Variants in GRIK4 observed in about 807,000 individuals in gnomAD.
The protein encoded by GRIK4 is glutamate receptor ionotropic, kainate 4.
In GRIK4, 40 loss-of-function variants were observed where a neutral mutation model predicts 104.9. The observed-to-expected ratio is 0.38, with a 90% CI of 0.30 to 0.50. The LOEUF is 0.50. Ranked by LOEUF, GRIK4 falls within the 20% of genes least tolerant of loss-of-function variation. The pLI is 0.93. For missense variants in GRIK4, 1,047 were observed against 1,308.1 expected, an observed-to-expected ratio of 0.80 and a Z score of 3.08; for synonymous variants, 485 against 524.9, an observed-to-expected ratio of 0.92 and a Z score of 1.04.
chr11:120,804,888 C>T (rs1477579124), intron 4 of GRIK4, among the ~76,000 whole-genome samples: 1 of 152,168 alleles, frequency 6.6e-6, no homozygotes, highest in African/African-American at 2.4e-5. Flanking sequence ...CCTCCTGCTC[C>T]TATGACTGAG....
rs1202937195 is a variant in GRIK4, at chr11:120,513,563, A to T, written c.-159+1676A>T. 1.3e-5 allele frequency among the ~76,000 whole-genome samples: 2 copies of T among 152,052 alleles called. No individual in the cohort carries two copies. Among genetic ancestry groups the T allele is most frequent in the African/African-American group, 4.8e-5 (2 of 41,394 alleles). On this transcript the variant is annotated intron_variant, in intron 1 of 20. Transcript: ENST00000527524. This position sits in a 1 kb window ranked among gnomAD's most constrained non-coding sequence, Gnocchi z 4.5. ...GTTTATTATTTTTCTCACTGGCCAGATGTGTTCCTCAAGGTCACGACCCTT... is the reference window on the plus strand; with the variant it reads ...GTTTATTATTTTTCTCACTGGCCAGTTGTGTTCCTCAAGGTCACGACCCTT...
At chr11:120,787,539 G>A (rs901002046) in intron 3 of GRIK4, among the ~76,000 whole-genome samples, 10 of 148,574 alleles carry the variant, frequency 6.7e-5, no homozygotes, top group African/African-American at 1.7e-4. Context: ...ATCTCGGCTC[G>A]CTGCAACCTC....
At chr11:120,574,292 G>T (rs1948447800) in intron 1 of GRIK4, among the ~76,000 whole-genome samples, 1 of 152,188 alleles carries the variant, frequency 6.6e-6, no homozygotes, top group Non-Finnish European at 1.5e-5. Context: ...GTCCTCCTTG[G>T]TTTTAGGTCT....
At chr11:120,802,612 C>A in intron 3 of GRIK4, 81 bp from the exon 4 acceptor site, 1 of 1,214,668 alleles carries the variant, frequency 8.2e-7, no homozygotes, top group Non-Finnish European at 1.2e-6. Context: ...AGGAAGGTGG[C>A]AGCAGGGGGA....
At chr11:120,609,734 G>A (rs931188941) in intron 1 of GRIK4, among the ~76,000 whole-genome samples, 1 of 151,732 alleles carries the variant, frequency 6.6e-6, no homozygotes, top group Non-Finnish European at 1.5e-5. Context: ...GGCTGGTCTC[G>A]AACTCCTGAC....
intron 1 of GRIK4, among the ~76,000 whole-genome samples, chr11:120,633,858 G>A (rs56144287): frequency 0.01 from 1,550 of 152,214 alleles, 28 homozygotes; most frequent in African/African-American, 0.036. Flanking sequence ...CCCTGCTTGC[G>A]GCACATCTCC....
At chr11:120,824,088 T>C (rs894133542) in intron 6 of GRIK4, among the ~76,000 whole-genome samples, 1 of 152,186 alleles carries the variant, frequency 6.6e-6, no homozygotes. Flanking sequence ...TCTAATTCTA[T>C]TTTCCAGCCA....
Position 120,898,601 on chromosome 11 carries a change from A to G in GRIK4, c.1234A>G (p.Thr412Ala), listed in dbSNP as rs1942648656. 3 of 1,611,616 alleles carry G rather than the reference A, an allele frequency of 1.9e-6. No individual in the cohort carries two copies. The highest frequency in any genetic ancestry group is 1.7e-6 in the Non-Finnish European group (2 of 1,177,982). Residue 412 changes from threonine (T) to alanine (A), a missense_variant, in exon 12 of 21, where the codon ACT becomes GCT. Thr to Ala is a moderately conservative substitution (Grantham distance 58). Around this residue, in one of 3 missense-constraint regions of GRIK4, gnomAD observed 440 missense variants for 652.3 expected, o/e 0.67. Transcript: ENST00000527524. The stretch of plus-strand genomic sequence containing the variant: ...CCTCTATGCCTCCAACATCTCGGAC[A>G]CTCTCTTCAACACCACCCTGGTCGT... ...SHLYASNISD[T>A]LFNTTLVVTT...
At chr11:120,516,671 G>C (rs1947729496) in intron 1 of GRIK4, among the ~76,000 whole-genome samples, 1 of 152,186 alleles carries the variant, frequency 6.6e-6, no homozygotes, top group South Asian at 2.1e-4. Context: ...CGAAAGGGGG[G>C]TAAGCTTGAA....
At chr11:120,984,999 T>C (rs1329206796) in intron 20 of GRIK4, among the ~76,000 whole-genome samples, 1 of 151,656 alleles carries the variant, frequency 6.6e-6, no homozygotes, top group Non-Finnish European at 1.5e-5. Flanking sequence ...CAGCTAAATT[T>C]TGTGGTTTTA....
chr11:120,798,232 A>C (rs1157019038), intron 3 of GRIK4, among the ~76,000 whole-genome samples: 1 of 136,604 alleles, frequency 7.3e-6, no homozygotes, highest in Non-Finnish European at 1.5e-5. Context: ...GCAGTGGCAC[A>C]ATCTCGGCTC....
intron 1 of GRIK4, among the ~76,000 whole-genome samples, chr11:120,569,327 A>G (rs1280558115): frequency 6.6e-6 from 1 of 152,226 alleles, no homozygotes; most frequent in Non-Finnish European, 1.5e-5. Flanking sequence ...GAAAATTACT[A>G]TGACCAATGA....
At chr11:120,786,606 G>A (rs1436434802) in intron 3 of GRIK4, among the ~76,000 whole-genome samples, 1 of 152,014 alleles carries the variant, frequency 6.6e-6, no homozygotes, top group Non-Finnish European at 1.5e-5. Flanking sequence ...CCCTGAGGCT[G>A]CTTTCAGAAA....
intron 3 of GRIK4, among the ~76,000 whole-genome samples, chr11:120,668,675 T>C (rs977777005): frequency 1.3e-5 from 2 of 152,196 alleles, no homozygotes; most frequent in African/African-American, 4.8e-5. Flanking sequence ...TCAGATGTGT[T>C]GTGGGGAAAC....
At chr11:120,695,146 G>A (rs1950422212) in intron 3 of GRIK4, among the ~76,000 whole-genome samples, 1 of 152,196 alleles carries the variant, frequency 6.6e-6, no homozygotes, top group East Asian at 1.9e-4. Context: ...CTGGAGGTCA[G>A]GGAGCCTTGG....
intron 1 of GRIK4, among the ~76,000 whole-genome samples, chr11:120,561,499 G>A (rs577922272): frequency 3.3e-5 from 5 of 152,304 alleles, no homozygotes; most frequent in Admixed American, 1.3e-4. Flanking sequence ...GGAGAGCCAC[G>A]TGGGGACTAG....
chr11:120,557,545 G>A (rs551190436), intron 1 of GRIK4, among the ~76,000 whole-genome samples: 16 of 152,272 alleles, frequency 1.1e-4, no homozygotes, highest in South Asian at 2.1e-4. Flanking sequence ...AAATCAAGAC[G>A]TATTACATCT....
At chr11:120,748,434 G>A (rs1394832023) in intron 3 of GRIK4, among the ~76,000 whole-genome samples, 7 of 152,082 alleles carry the variant, frequency 4.6e-5, no homozygotes, top group Admixed American at 1.3e-4. Flanking sequence ...GTAGGGTGCT[G>A]CTGTGTAGCG....
chr11:120,659,856 C>T (rs866083511), intron 2 of GRIK4, among the ~76,000 whole-genome samples: 9 of 152,200 alleles, frequency 5.9e-5, no homozygotes, highest in African/African-American at 1.2e-4. Context: ...CACAGGGTCC[C>T]GAGTAGCTGG....
Sources: gnomAD v4.1 joint callset for allele counts (sites outside exome capture counted in the v4.1 genomes callset) on GRCh38, gnomAD v4.1.1 for gene constraint, gnomAD v4.1.1 regional missense constraint, Gnocchi (gnomAD v3.1) non-coding constraint, MANE v1.5 for transcripts, NCBI Gene and HGNC (gene_info 2026-07-23, HGNC 2026-07-21) for gene names.